CCDC9B: variants seen among roughly 807,000 people sequenced by gnomAD.
The protein encoded by CCDC9B is coiled-coil domain containing 9B, also known as coiled-coil domain-containing protein 9B.
In CCDC9B, 40 loss-of-function variants were observed where a neutral mutation model predicts 47.2. That is an observed-to-expected ratio of 0.85 (90% CI 0.66 to 1.10). The LOEUF is 1.10. CCDC9B is among the 50% of genes least tolerant of loss of function. The pLI is 0.00. For synonymous variants in CCDC9B, 238 were observed against 250.7 expected, an observed-to-expected ratio of 0.95 and a Z score of 0.48; for missense variants, 662 against 651.0, an observed-to-expected ratio of 1.02 and a Z score of -0.18.
At chr15:40,339,806 C>G in intron 2 of CCDC9B, 99 bp downstream of exon 2, 1 of 1,401,218 alleles carries the variant, frequency 7.1e-7, no homozygotes, top group Middle Eastern at 2.2e-4. Flanking sequence ...GGCCCCAGCC[C>G]CAGAGGCGCA....
chr15:40,338,393 G>T, intron 5 of CCDC9B, 142 bp downstream of exon 5: 1 of 987,700 alleles, frequency 1.0e-6, no homozygotes, highest in Non-Finnish European at 1.5e-6. Flanking sequence ...ACTGGCCAGA[G>T]AAAGGGAGGA....
Position 40,338,950 on chromosome 15 carries a change from C to G in CCDC9B, c.232-47G>C, listed in dbSNP as rs566360067. ...GCCACATGGGCAGTGCTGGGCAGGA[C>G]CTGGGTGCTGGGTCCTCTCGGTGGT... On this transcript the variant is annotated intron_variant, in intron 3 of 10. Coordinates refer to ENST00000397536, the MANE Select transcript of CCDC9B (RefSeq NM_207380.3). 1.8e-5 allele frequency: 29 copies of G among 1,611,910 alleles called. No homozygotes were observed. In the South Asian group the frequency reaches 3.2e-4, roughly 18 times the overall value.
intron 2 of CCDC9B, 51 bp downstream of exon 2, chr15:40,339,854 C>T: frequency 6.8e-7 from 1 of 1,479,186 alleles, no homozygotes; most frequent in Non-Finnish European, 9.4e-7. Flanking sequence ...GTGTGGGGCA[C>T]AGGGAGCGGC....
chr15:40,335,276 C>T lies in CCDC9B; in HGVS notation c.1355G>A (p.Gly452Glu), dbSNP rs1340294030. ...EPGEDRSGKS[G>E]AQQGLAPRSR... The stretch of plus-strand genomic sequence containing the variant: ...TCTCGGGGCCAGGCCCTGCTGGGCC[C>T]CAGACTTGCCAGACCTGTCTTCTCC... Residue 452 changes from glycine (G) to glutamate (E), a missense_variant, in exon 11 of 11, where the codon GGG (glycine) becomes GAG (glutamate). By Grantham distance (98) the Gly-to-Glu change is moderately conservative. Transcript: ENST00000397536. The T allele has an allele frequency of 5.0e-6, 8 of 1,608,534 alleles. No individual in the cohort carries two copies. Among genetic ancestry groups the T allele is most frequent in the African/African-American group, 2.7e-5 (2 of 74,792 alleles).
rs2141247902 is a variant in CCDC9B at position 40,337,882 on chromosome 15, C to G, written c.525G>C (p.Glu175Asp). The G allele has an allele frequency of 2.5e-6, 4 of 1,597,196 alleles. No homozygotes were observed. The highest frequency in any genetic ancestry group is 3.4e-6 in the Non-Finnish European group (4 of 1,172,632). ...SSDSARKGSW[E>D]PWSRPVGEPP... is the part of the protein sequence containing the mutation. ...GCTCCCCCACCGGCCGGCTCCAGGG[C>G]TCCCAAGAACCCTGTAGGGAGAAGA... is the stretch of plus-strand genomic sequence containing the variant. Residue 175 changes from glutamate to aspartate, a missense_variant, in exon 6 of 11, where the codon GAG (glutamate) becomes GAC (aspartate). Physicochemically the swap from Glu to Asp is conservative, Grantham distance 45. Coordinates refer to ENST00000397536, the MANE Select transcript of CCDC9B (RefSeq NM_207380.3).
intron 9 of CCDC9B, 101 bp from the exon 10 acceptor site, chr15:40,335,927 G>A (rs1324603471): frequency 5.2e-6 from 8 of 1,541,172 alleles, no homozygotes; most frequent in South Asian, 2.4e-5. Flanking sequence ...AGCCAGTGAG[G>A]AAGGCTGAGC....
chr15:40,335,915 A>G, intron 9 of CCDC9B, 89 bp from the exon 10 acceptor site: 1 of 1,548,824 alleles, frequency 6.5e-7, no homozygotes. Flanking sequence ...GGTGGAGTTG[A>G]GAGCCAGTGA....
chr15:40,336,513 T>A (rs1888962193), intron 9 of CCDC9B, 61 bp downstream of exon 9: 11 of 1,588,136 alleles, frequency 6.9e-6, no homozygotes, highest in African/African-American at 1.3e-5. Flanking sequence ...GGGCCTGTAC[T>A]GGTCCAGGAA....
intron 7 of CCDC9B, 111 bp from the exon 8 acceptor site, chr15:40,336,924 T>C (rs533084475): frequency 4.4e-6 from 5 of 1,146,662 alleles, no homozygotes; most frequent in Admixed American, 4.8e-5. Context: ...AGTCGTGGGT[T>C]TTGCCTCCCC....
intron 9 of CCDC9B, chr15:40,336,196 C>G: frequency 2.0e-6 from 2 of 985,460 alleles, no homozygotes; most frequent in Non-Finnish European, 2.4e-6. Flanking sequence ...TGACCTTGTT[C>G]CCTAAATCCA....
chr15:40,339,375 C>A (rs531938105), intron 3 of CCDC9B, 137 bp downstream of exon 3: 11 of 853,322 alleles, frequency 1.3e-5, no homozygotes, highest in Non-Finnish European at 1.9e-5. Flanking sequence ...AGTGGTCCGA[C>A]TGCAGGAGGT....
At chr15:40,336,911 GCCAGTCGTGGGTTTTGCCTCC>G in intron 7 of CCDC9B, 98 bp from the exon 8 acceptor site, 1 of 1,296,034 alleles carries the variant, frequency 7.7e-7, no homozygotes, top group Non-Finnish European at 1.1e-6. Flanking sequence ...AGTCCTCGGG[GCCAGTCGTGGGTTTTGCCTCC>G]CCAAAAGCGC....
chr15:40,340,241 T>C, intron 1 of CCDC9B: 1 of 564,682 alleles, frequency 1.8e-6, no homozygotes, highest in South Asian at 2.2e-5. Flanking sequence ...GGTCAGGGCC[T>C]CATACCCCAA....
chr15:40,337,758 G>A lies in CCDC9B; in HGVS notation c.649C>T (p.Arg217Cys), dbSNP rs1337966974. The A allele has an allele frequency of 6.8e-6, 11 of 1,607,406 alleles. No individual in the cohort carries two copies. The highest frequency in any genetic ancestry group is 1.7e-4 in the Middle Eastern group (1 of 5,968). Residue 217 changes from arginine to cysteine, a missense_variant, in exon 6 of 11, where the codon CGC (arginine) becomes TGC (cysteine). By Grantham distance (180) the Arg-to-Cys change is radical. Transcript: ENST00000397536. ...ARHRDAQGDW[R>C]RPWDLDKAKS... The stretch of plus-strand genomic sequence containing the variant: ...GCCTTGTCCAGGTCCCACGGGCGGC[G>A]CCAGTCACCCTGTGCGTCTCTGTGC...
Position 40,333,409 on chromosome 15 carries a change from A to C in CCDC9B, c.*1749T>G, listed in dbSNP as rs1888893425. 6.6e-6 allele frequency: 1 copy of C among 151,868 alleles called. No individual in the cohort carries two copies. Among genetic ancestry groups the C allele is most frequent in the Non-Finnish European group, 1.5e-5 (1 of 68,042 alleles). 9.4% of individuals were successfully genotyped at this position (151,868 alleles called of 1,614,324 possible). ...ATGGTGAAACCCTGCCTCTACAAAA[A>C]ATACAAAAATTAGCCAGGTGTGGTG... On this transcript the variant is annotated 3_prime_UTR_variant, in exon 11 of 11. Coordinates refer to ENST00000397536, the MANE Select transcript of CCDC9B (RefSeq NM_207380.3).
intron 3 of CCDC9B, 115 bp downstream of exon 3, chr15:40,339,397 A>C: frequency 6.5e-6 from 7 of 1,075,542 alleles, no homozygotes; most frequent in Non-Finnish European, 9.6e-6. Context: ...GGGAGCTGGC[A>C]GGTGCACCCC....
Position 40,334,924 on chromosome 15 carries a change from AC to A in CCDC9B, c.*233del, listed in dbSNP as rs1888922688. On this transcript the variant is annotated 3_prime_UTR_variant, in exon 11 of 11. Coordinates refer to ENST00000397536, the MANE Select transcript of CCDC9B (RefSeq NM_207380.3). ...AGATGCCAGATACTAGTACAGGAAT[AC>A]ACCAGGGGCTGTGCCCGTGCGTGAA... 3 of 396,420 alleles carry A rather than the reference AC, an allele frequency of 7.6e-6. No homozygotes were observed. The highest frequency in any genetic ancestry group is 1.8e-4 in the South Asian group (2 of 11,090). 24.6% of individuals were successfully genotyped at this position (396,420 alleles called of 1,614,324 possible).
chr15:40,337,737 T>C lies in CCDC9B; in HGVS notation c.670A>G (p.Lys224Glu), dbSNP rs780620329. The change falls in exon 6 of 11, where the codon AAG (lysine) becomes GAG (glutamate). Residue 224 changes from lysine (K) to glutamate (E), a missense_variant. Coordinates refer to ENST00000397536, the MANE Select transcript of CCDC9B (RefSeq NM_207380.3). Reference sequence around the variant, plus strand: ...CCAGCCACCCACGTGGACTTGGCCTTGTCCAGGTCCCACGGGCGGCGCCAG... The same window carrying C: ...CCAGCCACCCACGTGGACTTGGCCTCGTCCAGGTCCCACGGGCGGCGCCAG... ...GDWRRPWDLD[K>E]AKSTLQDCSQ... The C allele has an allele frequency of 3.6e-5, 58 of 1,600,658 alleles. No individual in the cohort carries two copies. The highest frequency in any genetic ancestry group is 4.9e-5 in the Non-Finnish European group (58 of 1,176,324).
intron 9 of CCDC9B, chr15:40,336,069 CCTCCTCTGGGCCTCCAT>C (rs1888952966): frequency 2.0e-6 from 2 of 985,288 alleles, no homozygotes; most frequent in Admixed American, 6.1e-5. Context: ...GGGGCCTCCA[CCTCCTCTGGGCCTCCAT>C]CTCCTTGCCA....
Sources: allele counts gnomAD v4.1 joint callset, GRCh38; gene constraint gnomAD v4.1.1; transcripts MANE v1.5; gene names NCBI Gene and HGNC (gene_info 2026-07-23, HGNC 2026-07-21).